SH3RF3: variants seen among roughly 807,000 people sequenced by gnomAD.
The protein encoded by SH3RF3 is SH3 domain containing ring finger 3, also known as E3 ubiquitin-protein ligase SH3RF3.
In SH3RF3, 29 loss-of-function variants were observed where a neutral mutation model predicts 66.3. The observed-to-expected ratio is 0.44, with a 90% confidence interval of 0.33 to 0.60. SH3RF3 has a LOEUF of 0.60. Ranked by LOEUF, SH3RF3 falls within the 20% of genes least tolerant of loss-of-function variation. The probability of loss-of-function intolerance (pLI) is 0.04; values close to 1 mark genes in which losing one functional copy is unlikely to be tolerated. For missense variants in SH3RF3, 1,194 were observed against 1,190.9 expected (o/e 1.00, Z -0.04); for synonymous variants, 583 against 532.0 (o/e 1.10, Z -1.32).
At chr2:109,498,971 G>A (rs915622629) in intron 9 of SH3RF3, among the ~76,000 whole-genome samples, 6 of 152,292 alleles carry the variant, frequency 3.9e-5, no homozygotes, top group Admixed American at 1.3e-4. Flanking sequence ...TGGGAAGGGC[G>A]CAGTGTGGAG....
intron 1 of SH3RF3, among the ~76,000 whole-genome samples, chr2:109,131,023 A>T (rs889642991): frequency 2.6e-5 from 4 of 152,192 alleles, no homozygotes; most frequent in Non-Finnish European, 5.9e-5. Flanking sequence ...AAAAAAATAC[A>T]TTATCTATTG....
intron 1 of SH3RF3, among the ~76,000 whole-genome samples, chr2:109,182,003 G>A (rs1034311913): frequency 1.3e-5 from 2 of 152,122 alleles, no homozygotes; most frequent in Admixed American, 6.5e-5. Context: ...GGGAGGAGGA[G>A]CCTGATTTTG....
rs761106169 is a variant in SH3RF3, at chr2:109,130,009, G to T, written c.469G>T (p.Ala157Ser). ...GCTCGCGGGCGGCGGGGGCGGCGCG[G>T]CAGGCAGCACCCCGGGTTCCCCGGT... ...PTLAGGGGGA[A>S]GSTPGSPVFL... The change falls in exon 1 of 10, where the codon GCA becomes TCA. Residue 157 changes from alanine to serine, a missense_variant. Physicochemically the swap from Ala to Ser is moderately conservative, Grantham distance 99 (BLOSUM62 1). Transcript: ENST00000309415. 3.8e-6 allele frequency: 5 copies of T among 1,302,228 alleles called. No individual in the cohort carries two copies. The highest frequency in any genetic ancestry group is 2.9e-4 in the Middle Eastern group (1 of 3,408). The allele number at this position is 1,302,228 out of a possible 1,614,324, so 80.7% of individuals were successfully genotyped here. A position where few individuals can be genotyped will look rare whatever the true frequency, so the allele number is the denominator to read the frequency against.
intron 1 of SH3RF3, among the ~76,000 whole-genome samples, chr2:109,302,890 T>G (rs1382059376): frequency 2.0e-5 from 3 of 152,168 alleles, no homozygotes; most frequent in Non-Finnish European, 4.4e-5. Context: ...GTTTGTTTGT[T>G]TTTTGAGGCA....
intron 4 of SH3RF3, among the ~76,000 whole-genome samples, chr2:109,402,994 G>A (rs1241806287): frequency 6.6e-6 from 1 of 152,198 alleles, no homozygotes; most frequent in African/African-American, 2.4e-5. Context: ...TTGATACACA[G>A]TCAGGGTGGG....
chr2:109,291,507 G>A (rs866460199), intron 1 of SH3RF3, among the ~76,000 whole-genome samples: 7 of 152,292 alleles, frequency 4.6e-5, no homozygotes, highest in African/African-American at 1.2e-4. Flanking sequence ...CACGTGCTGC[G>A]GAGGAGCGCT....
At chr2:109,330,701 C>T (rs1485754756) in intron 1 of SH3RF3, among the ~76,000 whole-genome samples, 1 of 152,080 alleles carries the variant, frequency 6.6e-6, no homozygotes, top group Admixed American at 6.6e-5. Context: ...TGGATGGATA[C>T]ATGACGGATG....
chr2:109,143,753 GAAAC>G (rs1677023717), intron 1 of SH3RF3, among the ~76,000 whole-genome samples: 1 of 132,410 alleles, frequency 7.6e-6, no homozygotes, highest in Admixed American at 7.4e-5. Context: ...CACCCTGTCT[GAAAC>G]AAAACAAAAC....
Position 109,214,886 on chromosome 2 carries a change from G to T in SH3RF3, c.573+84773G>T, listed in dbSNP as rs114126914. Among the ~76,000 whole-genome samples the T allele has an allele frequency of 2.6e-3, 401 of 152,342 alleles. 2 individuals are homozygous for T. The highest frequency in any genetic ancestry group is 9.3e-3 in the African/African-American group (386 of 41,568). On this transcript the variant is annotated intron_variant, in intron 1 of 9. Transcript: ENST00000309415. Reference sequence around the variant, plus strand: ...GACAGCAGTGTTTTGGGAGATCTGAGACTTGGAGGGTGGTAGGCACTGACA... The same window carrying T: ...GACAGCAGTGTTTTGGGAGATCTGATACTTGGAGGGTGGTAGGCACTGACA...
At chr2:109,225,100 T>G (rs903507703) in intron 1 of SH3RF3, among the ~76,000 whole-genome samples, 3 of 152,176 alleles carry the variant, frequency 2.0e-5, no homozygotes, top group African/African-American at 7.2e-5. Flanking sequence ...CCAACTAAGC[T>G]GGATGACACC....
rs768730746 is a variant in SH3RF3, at chr2:109,483,264, C to T, written c.2149-7341C>T. 2.6e-5 allele frequency among the ~76,000 whole-genome samples: 4 copies of T among 152,198 alleles called. No individual in the cohort carries two copies. The East Asian group carries it at 7.7e-4, about 29-fold the overall frequency. ...AAACTTCCAAGTATAACTTGCAACC[C>T]GAGAGCCAGACTCAACAAAGATAAG... On this transcript the variant is annotated intron_variant, in intron 8 of 9. Coordinates refer to ENST00000309415, the MANE Select transcript of SH3RF3 (RefSeq NM_001099289.3).
chr2:109,348,215 G>C (rs1041090667), intron 2 of SH3RF3, among the ~76,000 whole-genome samples: 7 of 152,184 alleles, frequency 4.6e-5, no homozygotes, highest in Non-Finnish European at 8.8e-5. Flanking sequence ...GATAATATAA[G>C]CCTCCATCAG....
chr2:109,202,168 G>A (rs1015525497), intron 1 of SH3RF3, among the ~76,000 whole-genome samples: 2 of 152,150 alleles, frequency 1.3e-5, no homozygotes, highest in African/African-American at 2.4e-5. Context: ...AGATGAACAC[G>A]GGGAAGAAAA....
intron 4 of SH3RF3, among the ~76,000 whole-genome samples, chr2:109,415,326 A>G (rs1306249104): frequency 6.6e-6 from 1 of 152,240 alleles, no homozygotes; most frequent in African/African-American, 2.4e-5. Flanking sequence ...CCTGAGTTCA[A>G]AATAATAAGC....
chr2:109,345,717 G>C (rs551780541), intron 1 of SH3RF3, among the ~76,000 whole-genome samples: 3 of 152,172 alleles, frequency 2.0e-5, no homozygotes, highest in Non-Finnish European at 4.4e-5. Context: ...AACTTTTAAA[G>C]TATTCGTAGA....
At chr2:109,403,807 G>A (rs1003409160) in intron 4 of SH3RF3, among the ~76,000 whole-genome samples, 3 of 152,184 alleles carry the variant, frequency 2.0e-5, no homozygotes, top group African/African-American at 4.8e-5. Flanking sequence ...CCTTGCACCT[G>A]CAACCTTGGG....
At chr2:109,155,635 T>A (rs922540613) in intron 1 of SH3RF3, among the ~76,000 whole-genome samples, 4 of 152,142 alleles carry the variant, frequency 2.6e-5, no homozygotes, top group Admixed American at 6.5e-5. Flanking sequence ...TTTGGCTATT[T>A]GTGATTTATT....
At chr2:109,312,712 T>A (rs1681759404) in intron 1 of SH3RF3, among the ~76,000 whole-genome samples, 2 of 152,248 alleles carry the variant, frequency 1.3e-5, no homozygotes, top group Non-Finnish European at 2.9e-5. Context: ...TCCATTCCCC[T>A]CTATAGCTGA....
At chr2:109,290,914 T>G (rs1681152272) in intron 1 of SH3RF3, among the ~76,000 whole-genome samples, 1 of 152,246 alleles carries the variant, frequency 6.6e-6, no homozygotes, top group African/African-American at 2.4e-5. Flanking sequence ...AGATGGTAAA[T>G]TCGTTGAGAA....
Sources: allele counts gnomAD v4.1 joint callset (sites outside exome capture counted in the v4.1 genomes callset), GRCh38; gene constraint gnomAD v4.1.1; transcripts MANE v1.5; gene names NCBI Gene and HGNC (gene_info 2026-07-23, HGNC 2026-07-21).